Variants in CHUK observed in about 807,000 individuals in gnomAD.
CHUK encodes component of inhibitor of nuclear factor kappa B kinase complex.
A neutral mutation model predicts 104.8 loss-of-function variants in CHUK; 35 were observed. The observed-to-expected ratio is 0.33, with a 90% CI of 0.26 to 0.44. CHUK has a LOEUF of 0.44. Among genes scored for constraint, CHUK ranks in the 20% least tolerant of loss-of-function variants. The pLI is 1.00. For synonymous variants in CHUK, 276 were observed against 291.9 expected, an observed-to-expected ratio of 0.95 and a Z score of 0.56; for missense variants, 663 against 902.7, an observed-to-expected ratio of 0.73 and a Z score of 3.40.
At chr10:100,204,367 G>T (rs1845540215) in intron 13 of CHUK, 139 bp downstream of exon 13, 1 of 740,120 alleles carries the variant, frequency 1.4e-6, no homozygotes. Context: ...AACAAACATG[G>T]TTTATGTTAA....
chr10:100,222,444 G>T (rs575340094), intron 3 of CHUK, among the ~76,000 whole-genome samples: 1 of 152,156 alleles, frequency 6.6e-6, no homozygotes, highest in East Asian at 1.9e-4. Flanking sequence ...GGTCATATGG[G>T]CACATTTAAA....
chr10:100,204,685 A>T, intron 12 of CHUK, 28 bp from the exon 13 acceptor site: 1 of 1,554,802 alleles, frequency 6.4e-7, no homozygotes, highest in South Asian at 1.1e-5. Flanking sequence ...AAAAAAGAAA[A>T]AGAAAAAAGA....
chr10:100,204,988 C>T, intron 12 of CHUK, 88 bp downstream of exon 12: 1 of 1,443,470 alleles, frequency 6.9e-7, no homozygotes, highest in Non-Finnish European at 9.7e-7. Context: ...CTATTACATG[C>T]AATATTGATT....
intron 4 of CHUK, 36 bp downstream of exon 4, chr10:100,222,076 A>T: frequency 1.9e-6 from 2 of 1,063,284 alleles, no homozygotes; most frequent in Non-Finnish European, 1.5e-6. Context: ...CCAAAGGGAC[A>T]TTACATTACA....
chr10:100,208,527 T>G lies in CHUK; in HGVS notation c.1128+1068A>C, dbSNP rs189240795. On this transcript the variant is annotated intron_variant, in intron 10 of 20. Transcript: ENST00000370397. ...ATTAAAAGCTGAAAGAGTGGCCGGG[T>G]GCAGTGGCTCACGCCTGTAATCCCA... Among the ~76,000 whole-genome samples, 435 of 152,004 alleles carry G rather than the reference T, an allele frequency of 2.9e-3. 2 individuals carry two copies. The highest frequency in any genetic ancestry group is 9.6e-3 in the African/African-American group (400 of 41,474).
chr10:100,226,079 C>G, intron 1 of CHUK, 62 bp from the exon 2 acceptor site: 1 of 978,164 alleles, frequency 1.0e-6, no homozygotes, highest in Non-Finnish European at 1.7e-6. Flanking sequence ...TTATTTGCTA[C>G]CAAAGAAATA....
rs1449163008 is a variant in CHUK, at chr10:100,193,448, A to C, written c.1975-17T>G. On this transcript the variant is annotated splice_polypyrimidine_tract_variant and intron_variant, in intron 18 of 20. Coordinates refer to ENST00000370397, the MANE Select transcript of CHUK (RefSeq NM_001278.5). ...ACTCTGTGTCTGAAGGAAAAGAAAA[A>C]AACATCAAAAGATTACAGGCAAGCA... 6.2e-7 allele frequency: 1 copy of C among 1,613,964 alleles called. No homozygotes were observed.
At position 100,218,029 on chromosome 10, in the gene CHUK, C is replaced by T; in HGVS notation, c.899G>A (p.Cys300Tyr). ...CAAAATGTGATCCATTAATACAAAA[C>T]ATCTTGGCTGCTTCAAAGTAAGGTC... ...PVDLTLKQPR[C>Y]FVLMDHILNL... Residue 300 changes from cysteine to tyrosine, a missense_variant, in exon 9 of 21, where the codon TGT becomes TAT. Transcript: ENST00000370397. 2 of 1,614,096 alleles carry T rather than the reference C, an allele frequency of 1.2e-6. No homozygotes were observed. Among genetic ancestry groups the T allele is most frequent in the Non-Finnish European group, 1.7e-6 (2 of 1,179,982 alleles).
At chr10:100,208,642 A>C (rs17880032) in intron 10 of CHUK, among the ~76,000 whole-genome samples, 151 of 152,212 alleles carry the variant, frequency 9.9e-4, no homozygotes, top group South Asian at 2.9e-3. Flanking sequence ...AAAATTAGCT[A>C]GGCATGGTGG....
In CHUK at chr10:100,217,784, A is replaced by C. The variant is rs190922908; in HGVS notation, c.933+211T>G. Among the ~76,000 whole-genome samples, 394 of 152,204 alleles carry C rather than the reference A, an allele frequency of 2.6e-3. 1 individual carries two copies. Among genetic ancestry groups the C allele is most frequent in the African/African-American group, 9.2e-3 (382 of 41,546 alleles). Reference sequence around the variant, plus strand: ...CCCAACTACTCGGGAGGCTGAGGCAAGAGAATCGCTTGAACCTGGGAGGCG... The same window carrying C: ...CCCAACTACTCGGGAGGCTGAGGCACGAGAATCGCTTGAACCTGGGAGGCG... On this transcript the variant is annotated intron_variant, in intron 9 of 20. Transcript: ENST00000370397.
rs939670044 is a variant in CHUK, at chr10:100,188,356, G to A, written c.*1242C>T. On this transcript the variant is annotated 3_prime_UTR_variant, in exon 21 of 21. Transcript: ENST00000370397. The stretch of plus-strand genomic sequence containing the variant: ...TAATCTGATTTTTATAATGAATAGA[G>A]ATCAAGAAAGTAATTTAAAAACCAT... The A allele has an allele frequency of 6.6e-6, 1 of 152,536 alleles. No individual in the cohort carries two copies. The highest frequency in any genetic ancestry group is 1.5e-5 in the Non-Finnish European group (1 of 68,016). The allele number at this position is 152,536 out of a possible 1,614,324, so 9.4% of individuals were successfully genotyped here. A position where few individuals can be genotyped will look rare whatever the true frequency, so the allele number is the denominator to read the frequency against.
At chr10:100,191,718 T>C (rs1845209599) in intron 19 of CHUK, among the ~76,000 whole-genome samples, 1 of 152,254 alleles carries the variant, frequency 6.6e-6, no homozygotes, top group Admixed American at 6.5e-5. Context: ...AGAATGACAT[T>C]CTGATTCAGC....
chr10:100,219,240 T>C (rs780407373), intron 6 of CHUK, 30 bp downstream of exon 6: 1 of 1,554,546 alleles, frequency 6.4e-7, no homozygotes, highest in South Asian at 1.1e-5. Flanking sequence ...CTATACACAC[T>C]TAAATTCAAA....
chr10:100,225,305 G>C (rs1171993668), intron 2 of CHUK, among the ~76,000 whole-genome samples: 1 of 152,138 alleles, frequency 6.6e-6, no homozygotes, highest in African/African-American at 2.4e-5. Flanking sequence ...CTTTCACTGT[G>C]AGTTTGACTA....
intron 16 of CHUK, among the ~76,000 whole-genome samples, chr10:100,198,484 G>A (rs945356883): frequency 2.6e-5 from 4 of 152,178 alleles, no homozygotes; most frequent in Admixed American, 6.5e-5. Context: ...ATAGTTTGGC[G>A]CTAGTGCCTT....
chr10:100,194,389 C>G, intron 17 of CHUK, 36 bp downstream of exon 17: 1 of 1,415,082 alleles, frequency 7.1e-7, no homozygotes, highest in Non-Finnish European at 1.0e-6. Flanking sequence ...TAAACGTATC[C>G]TGGTTTTTCA....
intron 9 of CHUK, 103 bp from the exon 10 acceptor site, chr10:100,209,892 A>G (rs1343041381): frequency 6.3e-6 from 4 of 632,482 alleles, no homozygotes; most frequent in Non-Finnish European, 1.1e-5. Context: ...CATTATTTCT[A>G]CATTAAACAA....
intron 16 of CHUK, among the ~76,000 whole-genome samples, chr10:100,199,434 C>T (rs1845412329): frequency 6.6e-6 from 1 of 152,210 alleles, no homozygotes; most frequent in African/African-American, 2.4e-5. Context: ...TCAAGCGATT[C>T]TCCTGCCTCA....
In CHUK at chr10:100,222,940, C is replaced by T; in HGVS notation, c.241G>A (p.Glu81Lys). The change falls in exon 3 of 21, where the codon GAA becomes AAA. Residue 81 changes from glutamate (E) to lysine (K), a missense_variant. This residue lies in a region of CHUK where 200 missense variants were observed against 333.0 expected (regional missense o/e 0.60). Coordinates refer to ENST00000370397, the MANE Select transcript of CHUK (RefSeq NM_001278.5). The part of the protein sequence containing the change: ...ANVVKACDVP[E>K]ELNILIHDVP... The stretch of plus-strand genomic sequence containing the variant: ...TCATGAATCAAAATATTCAATTCTT[C>T]AGGAACATCACAGGCCTTTACAACA... The T allele has an allele frequency of 6.2e-7, 1 of 1,608,052 alleles. No homozygotes were observed. Among genetic ancestry groups the T allele is most frequent in the South Asian group, 1.1e-5 (1 of 90,936 alleles).
Sources: allele counts gnomAD v4.1 joint callset (sites outside exome capture counted in the v4.1 genomes callset), GRCh38; gene constraint gnomAD v4.1.1; regional missense constraint gnomAD v4.1.1; transcripts MANE v1.5; gene names NCBI Gene and HGNC (gene_info 2026-07-23, HGNC 2026-07-21).